Variants in RBFOX1 observed in about 807,000 individuals in gnomAD.
The protein encoded by RBFOX1 is RNA binding fox-1 homolog 1.
In RBFOX1, 8 loss-of-function variants were observed where a neutral mutation model predicts 57.7. The ratio of observed to expected loss-of-function variants is 0.14; its 90% confidence interval spans 0.08 to 0.25. RBFOX1 has a LOEUF of 0.25. Among genes scored for constraint, RBFOX1 ranks in the 10% least tolerant of loss-of-function variants. RBFOX1 has a pLI of 1.00. For synonymous variants in RBFOX1, 326 were observed against 222.4 expected, an observed-to-expected ratio of 1.47 and a Z score of -4.15; for missense variants, 611 against 548.5, an observed-to-expected ratio of 1.11 and a Z score of -1.14.
chr16:6,935,684 G>C (rs1259183538), intron 3 of RBFOX1, among the ~76,000 whole-genome samples: 1 of 152,136 alleles, frequency 6.6e-6, no homozygotes, highest in African/African-American at 2.4e-5. Flanking sequence ...TTATTCAAAG[G>C]GTGATTAGGA....
intron 3 of RBFOX1, among the ~76,000 whole-genome samples, chr16:6,838,420 G>T (rs563666589): frequency 1.3e-5 from 2 of 152,228 alleles, no homozygotes; most frequent in East Asian, 3.9e-4. Flanking sequence ...TCTTTATCCA[G>T]TCTATTATTG....
At chr16:5,297,963 C>T (rs559616367) in intron 1 of RBFOX1, among the ~76,000 whole-genome samples, 1 of 152,202 alleles carries the variant, frequency 6.6e-6, no homozygotes, top group African/African-American at 2.4e-5. Flanking sequence ...CAAGGTGTAG[C>T]CCAGACACTT....
intron 2 of RBFOX1, among the ~76,000 whole-genome samples, chr16:5,598,342 C>T (rs555860232): frequency 2.0e-5 from 3 of 152,042 alleles, no homozygotes; most frequent in Admixed American, 6.5e-5. Context: ...CGGTCTGGGA[C>T]GAGGAGTCCA....
At chr16:5,975,430 G>T (rs1036999158) in intron 4 of RBFOX1, among the ~76,000 whole-genome samples, 1 of 152,202 alleles carries the variant, frequency 6.6e-6, no homozygotes, top group Non-Finnish European at 1.5e-5. Flanking sequence ...AAGCTCATCT[G>T]ATAGGGAAGG....
chr16:7,416,012 G>T (rs1355420756), intron 4 of RBFOX1, among the ~76,000 whole-genome samples: 1 of 152,124 alleles, frequency 6.6e-6, no homozygotes, highest in East Asian at 1.9e-4. Flanking sequence ...TCTTTGCAGA[G>T]ATGATCTCCT....
chr16:7,135,597 G>C (rs1320892061), intron 4 of RBFOX1, among the ~76,000 whole-genome samples: 1 of 152,224 alleles, frequency 6.6e-6, no homozygotes, highest in African/African-American at 2.4e-5. Flanking sequence ...TTGAATCTCT[G>C]AGCATAAACT....
chr16:7,586,342 G>C (rs770917435), intron 6 of RBFOX1, among the ~76,000 whole-genome samples: 1 of 152,092 alleles, frequency 6.6e-6, no homozygotes, highest in Non-Finnish European at 1.5e-5. Context: ...CAGATGATCC[G>C]ATGCCCCTAG....
At chr16:5,400,458 G>A (rs1301090152) in intron 1 of RBFOX1, among the ~76,000 whole-genome samples, 1 of 151,960 alleles carries the variant, frequency 6.6e-6, no homozygotes, top group Non-Finnish European at 1.5e-5. Context: ...TATTTTTCTA[G>A]TTTTATGTAT....
chr16:6,942,310 G>A (rs2078684899), intron 3 of RBFOX1, among the ~76,000 whole-genome samples: 1 of 152,042 alleles, frequency 6.6e-6, no homozygotes, highest in South Asian at 2.1e-4. Flanking sequence ...TGAGACCACT[G>A]GCACACACCA....
In RBFOX1 at chr16:5,642,494, C is replaced by T. The variant is rs180826224; in HGVS notation, c.318+43533C>T. Among the ~76,000 whole-genome samples, 39 of 152,290 alleles carry T rather than the reference C, an allele frequency of 2.6e-4. No individual in the cohort carries two copies. In the South Asian group the frequency reaches 4.1e-3, roughly 16 times the overall value. On this transcript the variant is annotated intron_variant, in intron 3 of 19. Coordinates refer to the RBFOX1 transcript ENST00000641259. ...TCTGTGTTCAAGTGTTTGGGAACGT[C>T]GCTCTTAAATGCTGCAATCTGAGGC...
At chr16:6,643,463 A>G (rs1474808675) in intron 2 of RBFOX1, among the ~76,000 whole-genome samples, 1 of 152,214 alleles carries the variant, frequency 6.6e-6, no homozygotes, top group African/African-American at 2.4e-5. Flanking sequence ...TGGAGGATTA[A>G]GTGAACACAG....
chr16:6,124,765 T>G (rs2096576957), intron 1 of RBFOX1, among the ~76,000 whole-genome samples: 2 of 152,232 alleles, frequency 1.3e-5, no homozygotes, highest in Admixed American at 1.3e-4. Flanking sequence ...TGACCTCAAG[T>G]GATCTGCCCG....
chr16:6,026,021 C>T (rs773997256), intron 1 of RBFOX1, among the ~76,000 whole-genome samples: 2 of 152,158 alleles, frequency 1.3e-5, no homozygotes, highest in Non-Finnish European at 2.9e-5. Flanking sequence ...GATCGCCTCC[C>T]CCACCCACCC....
chr16:5,925,875 T>A (rs1256100801), intron 4 of RBFOX1, among the ~76,000 whole-genome samples: 2 of 152,178 alleles, frequency 1.3e-5, no homozygotes, highest in East Asian at 3.9e-4. Flanking sequence ...CCTTGGGCAG[T>A]GTTTCACTAC....
At chr16:5,501,318 C>CAAAAAAAAAAAAAAAAAAAAAAAAAAAAA (rs1160788118) in intron 2 of RBFOX1, among the ~76,000 whole-genome samples, 3 of 64,888 alleles carry the variant, frequency 4.6e-5, no homozygotes, top group Non-Finnish European at 6.5e-5. Flanking sequence ...ACTCTGTCTA[C>CAAAAAAAAAAAAAAAAAAAAAAAAAAAAA]AAAAAAAAAA....
At chr16:6,158,217 C>T (rs968573843) in intron 1 of RBFOX1, among the ~76,000 whole-genome samples, 4 of 152,176 alleles carry the variant, frequency 2.6e-5, no homozygotes, top group East Asian at 1.9e-4. Flanking sequence ...TGCAACTGTC[C>T]GGCGGGGCCT....
chr16:7,447,865 T>C (rs1412026259), intron 4 of RBFOX1, among the ~76,000 whole-genome samples: 1 of 152,252 alleles, frequency 6.6e-6, no homozygotes, highest in Non-Finnish European at 1.5e-5. Context: ...CTGTGTGTTC[T>C]ATGAATTAGC....
intron 2 of RBFOX1, among the ~76,000 whole-genome samples, chr16:6,529,450 T>C (rs2096626184): frequency 6.6e-6 from 1 of 151,924 alleles, no homozygotes; most frequent in African/African-American, 2.4e-5. Context: ...TCCCGGCTAC[T>C]TGGGAGACTG....
rs766460554 is a variant in RBFOX1, at chr16:6,921,641, A to AT, written c.-15-130415dup. Among the ~76,000 whole-genome samples the AT allele has an allele frequency of 4.1e-3, 367 of 88,768 alleles. 1 individual carries two copies. The highest frequency in any genetic ancestry group is 0.017 in the African/African-American group (321 of 18,476). The allele number at this position is 88,768 out of a possible 152,430, so 58.2% of individuals were successfully genotyped here. ...TAAATTACTGTATATATATATATATATATATTTTTTTTTTTCTTAGGGTTG... is the reference window on the plus strand; with the variant it reads ...TAAATTACTGTATATATATATATATATTATATTTTTTTTTTTCTTAGGGTTG... On this transcript the variant is annotated intron_variant, in intron 3 of 15. Coordinates refer to ENST00000550418, the MANE Select transcript of RBFOX1 (RefSeq NM_018723.4).
Sources: gnomAD v4.1 joint callset for allele counts (sites outside exome capture counted in the v4.1 genomes callset) on GRCh38, gnomAD v4.1.1 for gene constraint, MANE v1.5 for transcripts, NCBI Gene and HGNC (gene_info 2026-07-23, HGNC 2026-07-21) for gene names.